The following PPIB variants were observed in gnomAD, a reference collection of about 807,000 sequenced individuals.
PPIB encodes peptidyl-prolyl cis-trans isomerase B.
In PPIB, 15 loss-of-function variants were observed where a neutral mutation model predicts 20.1. The observed-to-expected ratio is 0.75, with a 90% confidence interval of 0.50 to 1.15. PPIB has a LOEUF of 1.15. Among genes scored for constraint, PPIB ranks in the 50% most tolerant of loss-of-function variants. The pLI is 0.00. For synonymous variants in PPIB, 129 were observed against 111.0 expected (o/e 1.16, Z -1.02); for missense variants, 278 against 283.0 (o/e 0.98, Z 0.13).
rs2081570295 is a variant in PPIB, at chr15:64,162,844, C to T, written c.135+8G>A. On this transcript the variant is annotated splice_region_variant and intron_variant, in intron 1 of 4. Transcript: ENST00000300026. ...CCGGCACCGTAAATGCCGCGGACTC[C>T]ACCGGACCTTGACGGTGACTTTGGG... The T allele has an allele frequency of 6.2e-7, 1 of 1,609,640 alleles. No individual in the cohort carries two copies. Among genetic ancestry groups the T allele is most frequent in the Non-Finnish European group, 8.5e-7 (1 of 1,178,400 alleles).
chr15:64,156,563 A>G lies in PPIB; in HGVS notation c.528+162T>C, dbSNP rs933642859. ...GGGCTGGAAGAATTTAGAACCTTGG[A>G]GGCATGGAGGTACAGGGTTTATTCT... is the stretch of plus-strand genomic sequence containing the variant. On this transcript the variant is annotated intron_variant, in intron 4 of 4. Transcript: ENST00000300026. The surrounding 1 kb of genome is among the most constrained non-coding windows in gnomAD (Gnocchi z 6.4). The G allele has an allele frequency of 4.4e-6, 4 of 903,422 alleles. No homozygotes were observed. In the African/African-American group the frequency reaches 6.6e-5, roughly 15 times the overall value. The allele number at this position is 903,422 out of a possible 1,614,324, so 56.0% of individuals were successfully genotyped here.
rs1412404574 is a variant in PPIB at position 64,156,007 on chromosome 15, A to T, written c.*16T>A. On this transcript the variant is annotated 3_prime_UTR_variant, in exon 5 of 5. Coordinates refer to ENST00000300026, the MANE Select transcript of PPIB (RefSeq NM_000942.5). This position sits in a 1 kb window ranked among gnomAD's most constrained non-coding sequence, Gnocchi z 6.4. ...GCCTGCACAGACGGTCACTCAAAGA[A>T]AGATGTCCCTGTGCCCTACTCCTTG... The T allele has an allele frequency of 5.0e-6, 8 of 1,614,094 alleles. No individual in the cohort carries two copies. Among genetic ancestry groups the T allele is most frequent in the African/African-American group, 1.3e-5 (1 of 75,042 alleles).
In PPIB at chr15:64,161,725, C is replaced by G. The variant is rs76209527; in HGVS notation, c.249+316G>C. Among the ~76,000 whole-genome samples, 7,986 of 135,206 alleles carry G rather than the reference C, an allele frequency of 0.059. 639 individuals carry two copies. The highest frequency in any genetic ancestry group is 0.19 in the African/African-American group (7,209 of 37,316). 88.7% of individuals were successfully genotyped at this position (135,206 alleles called of 152,430 possible). On this transcript the variant is annotated intron_variant, in intron 2 of 4. Coordinates refer to ENST00000300026, the MANE Select transcript of PPIB (RefSeq NM_000942.5). This position sits in a 1 kb window ranked among gnomAD's most constrained non-coding sequence, Gnocchi z 4.2. ...AGGCGACAAGAGTGAAACTCCGTCTCAAAAAAAAAAAAAAATTTGCGGGGG... is the reference window on the plus strand; with the variant it reads ...AGGCGACAAGAGTGAAACTCCGTCTGAAAAAAAAAAAAAAATTTGCGGGGG...
At position 64,156,536 on chromosome 15, in the gene PPIB, G is replaced by C. The variant is rs932597682; in HGVS notation, c.528+189C>G. On this transcript the variant is annotated intron_variant, in intron 4 of 4. Coordinates refer to ENST00000300026, the MANE Select transcript of PPIB (RefSeq NM_000942.5). This position sits in a 1 kb window ranked among gnomAD's most constrained non-coding sequence, Gnocchi z 6.4. ...TGCAGCCTTCCTGGCTGGGCTCTGA[G>C]GGGGCTGGAAGAATTTAGAACCTTG... The C allele has an allele frequency of 3.9e-6, 3 of 766,052 alleles. No individual in the cohort carries two copies. The highest frequency in any genetic ancestry group is 2.2e-6 in the Non-Finnish European group (1 of 452,308). The allele number at this position is 766,052 out of a possible 1,614,324, so 47.5% of individuals were successfully genotyped here. A position where few individuals can be genotyped will look rare whatever the true frequency, so the allele number is the denominator to read the frequency against.
At chr15:64,162,824 A>G (rs1297867322) in intron 1 of PPIB, 28 bp downstream of exon 1, 4 of 1,605,828 alleles carry the variant, frequency 2.5e-6, no homozygotes, top group Non-Finnish European at 3.4e-6. Context: ...GAGCTCCGGC[A>G]CCGTAAATGC....
At position 64,160,766 on chromosome 15, in the gene PPIB, C is replaced by T. The variant is rs1268313869; in HGVS notation, c.250-569G>A. On this transcript the variant is annotated intron_variant, in intron 2 of 4. Coordinates refer to ENST00000300026, the MANE Select transcript of PPIB (RefSeq NM_000942.5). This position sits in a 1 kb window ranked among gnomAD's most constrained non-coding sequence, Gnocchi z 4.8. ...GGTTCAAGCGATTCTCCAGCCTCAG[C>T]CTCCTGAGTAGCTGGGATTACAGGC... is the stretch of plus-strand genomic sequence containing the variant. Among the ~76,000 whole-genome samples the T allele has an allele frequency of 1.3e-5, 2 of 152,134 alleles. No homozygotes were observed. Among genetic ancestry groups the T allele is most frequent in the African/African-American group, 4.8e-5 (2 of 41,414 alleles).
In PPIB at chr15:64,163,014, A is replaced by T; in HGVS notation, c.-28T>A. On this transcript the variant is annotated 5_prime_UTR_variant, in exon 1 of 5. Coordinates refer to ENST00000300026, the MANE Select transcript of PPIB (RefSeq NM_000942.5). ...ACAGGCGGAGGCGAAAGCAGCCCGG[A>T]CAGCTGAGGCCGGAAGAGGGTGGGG... The T allele has an allele frequency of 1.2e-6, 2 of 1,601,252 alleles. No individual in the cohort carries two copies. Among genetic ancestry groups the T allele is most frequent in the Non-Finnish European group, 1.7e-6 (2 of 1,173,514 alleles).
rs574094485 is a variant in PPIB, at chr15:64,159,267, C to G, written c.343+837G>C. ...GTTCTAAGGGAGCAGCAGGCTGTAC[C>G]TGAGCTCAGTGAGACTCATGCAGGC... On this transcript the variant is annotated intron_variant, in intron 3 of 4. Transcript: ENST00000300026. The surrounding 1 kb of genome is among the most constrained non-coding windows in gnomAD (Gnocchi z 5.1). 2 of 152,430 alleles carry G rather than the reference C, an allele frequency of 1.3e-5. No homozygotes were observed. Among genetic ancestry groups the G allele is most frequent in the African/African-American group, 2.4e-5 (1 of 41,448 alleles). 9.4% of individuals were successfully genotyped at this position (152,430 alleles called of 1,614,324 possible).
At position 64,156,614 on chromosome 15, in the gene PPIB, T is replaced by C; in HGVS notation, c.528+111A>G. 3.1e-6 allele frequency: 4 copies of C among 1,301,636 alleles called. No individual in the cohort carries two copies. In the South Asian group the frequency reaches 4.8e-5, roughly 15 times the overall value. 80.6% of individuals were successfully genotyped at this position (1,301,636 alleles called of 1,614,324 possible). On this transcript the variant is annotated intron_variant, in intron 4 of 4. Coordinates refer to ENST00000300026, the MANE Select transcript of PPIB (RefSeq NM_000942.5). This position sits in a 1 kb window ranked among gnomAD's most constrained non-coding sequence, Gnocchi z 6.4. ...GGACAGGAGCACTGGGCTGCATCTGTGGGTTGGGTCCTTTTGGGAAAGGGA... is the reference window on the plus strand; with the variant it reads ...GGACAGGAGCACTGGGCTGCATCTGCGGGTTGGGTCCTTTTGGGAAAGGGA...
intron 1 of PPIB, 152 bp from the exon 2 acceptor site, chr15:64,162,306 C>A: frequency 1.4e-6 from 1 of 715,530 alleles, no homozygotes; most frequent in East Asian, 2.6e-5. Flanking sequence ...CGGTAAAAAT[C>A]CTATGAGAAT....
rs372252231 is a variant in PPIB at position 64,156,938 on chromosome 15, G to A, written c.344-29C>T. 2.3e-4 allele frequency: 368 copies of A among 1,609,874 alleles called. No homozygotes were observed. The highest frequency in any genetic ancestry group is 2.1e-3 in the Middle Eastern group (12 of 5,660). ...GGAAAAAAGACAGAGCAGGTCAGGGGCGCTGGATTGCGCCAAACCAAGCAG... is the reference window on the plus strand; with the variant it reads ...GGAAAAAAGACAGAGCAGGTCAGGGACGCTGGATTGCGCCAAACCAAGCAG... On this transcript the variant is annotated intron_variant, in intron 3 of 4. Transcript: ENST00000300026. The surrounding 1 kb of genome is among the most constrained non-coding windows in gnomAD (Gnocchi z 6.4).
rs2081560912 is a variant in PPIB at position 64,161,040 on chromosome 15, A to C, written c.250-843T>G. Among the ~76,000 whole-genome samples, 1 of 152,058 alleles carries C rather than the reference A, an allele frequency of 6.6e-6. No homozygotes were observed. Among genetic ancestry groups the C allele is most frequent in the Non-Finnish European group, 1.5e-5 (1 of 68,014 alleles). The stretch of plus-strand genomic sequence containing the variant: ...CAGTGGGGCAATCTCGGCTCACTGC[A>C]ACCTCCACCTCCTGGGTTCAACAAA... On this transcript the variant is annotated intron_variant, in intron 2 of 4. Coordinates refer to ENST00000300026, the MANE Select transcript of PPIB (RefSeq NM_000942.5). This position sits in a 1 kb window ranked among gnomAD's most constrained non-coding sequence, Gnocchi z 4.2.
In PPIB at chr15:64,160,410, A is replaced by T. The variant is rs1318255271; in HGVS notation, c.250-213T>A. ...GATGTGGAAATCCCTCTGCCTCCAT[A>T]CAATTCCCAAGCTTTATACAATTCT... On this transcript the variant is annotated intron_variant, in intron 2 of 4. Coordinates refer to ENST00000300026, the MANE Select transcript of PPIB (RefSeq NM_000942.5). The surrounding 1 kb of genome is among the most constrained non-coding windows in gnomAD (Gnocchi z 4.8). 1.3e-5 allele frequency among the ~76,000 whole-genome samples: 2 copies of T among 152,212 alleles called. No individual in the cohort carries two copies. Among genetic ancestry groups the T allele is most frequent in the Non-Finnish European group, 2.9e-5 (2 of 68,028 alleles).
Position 64,160,287 on chromosome 15 carries a change from T to TC in PPIB, c.250-91dup. The TC allele has an allele frequency of 9.5e-7, 1 of 1,053,554 alleles. No homozygotes were observed. The highest frequency in any genetic ancestry group is 1.5e-6 in the Non-Finnish European group (1 of 679,496). 65.3% of individuals were successfully genotyped at this position (1,053,554 alleles called of 1,614,324 possible). A position where few individuals can be genotyped will look rare whatever the true frequency, so the allele number is the denominator to read the frequency against. ...GGCCTCACAGGAACAAGTCCACAACTCCTGCTCGCAGAAGAGACACCACTG... is the reference window on the plus strand; with the variant it reads ...GGCCTCACAGGAACAAGTCCACAACTCCCTGCTCGCAGAAGAGACACCACTG... On this transcript the variant is annotated intron_variant, in intron 2 of 4. Transcript: ENST00000300026. This position sits in a 1 kb window ranked among gnomAD's most constrained non-coding sequence, Gnocchi z 4.8.
chr15:64,162,823 C>T (rs1412915430), intron 1 of PPIB, 29 bp downstream of exon 1: 3 of 1,605,146 alleles, frequency 1.9e-6, no homozygotes, highest in Non-Finnish European at 2.6e-6. Context: ...CGAGCTCCGG[C>T]ACCGTAAATG....
rs377032173 is a variant in PPIB at position 64,156,169 on chromosome 15, G to A, written c.529-24C>T. On this transcript the variant is annotated intron_variant, in intron 4 of 4. Transcript: ENST00000300026. This position sits in a 1 kb window ranked among gnomAD's most constrained non-coding sequence, Gnocchi z 6.4. ...TCCTGGAAAAGAAAGGTGGAAGCAG[G>A]AGGGCATGGTGGATCAGGAGGTCCA... 2 of 1,613,520 alleles carry A rather than the reference G, an allele frequency of 1.2e-6. No individual in the cohort carries two copies. Among genetic ancestry groups the A allele is most frequent in the African/African-American group, 2.7e-5 (2 of 74,920 alleles).
In PPIB at chr15:64,158,390, AG is replaced by A. The variant is rs1247920407; in HGVS notation, c.344-1482del. 3.3e-5 allele frequency among the ~76,000 whole-genome samples: 5 copies of A among 152,238 alleles called. No homozygotes were observed. The highest frequency in any genetic ancestry group is 7.3e-5 in the Non-Finnish European group (5 of 68,044). On this transcript the variant is annotated intron_variant, in intron 3 of 4. Coordinates refer to ENST00000300026, the MANE Select transcript of PPIB (RefSeq NM_000942.5). This position sits in a 1 kb window ranked among gnomAD's most constrained non-coding sequence, Gnocchi z 4.7. The stretch of plus-strand genomic sequence containing the variant: ...AAGAAACTGAGGCACAGAGAATAAA[AG>A]GAGCCCCAGCAGAGCAACAGCGGGG...
rs2140183936 is a variant in PPIB at position 64,161,490 on chromosome 15, C to A, written c.249+551G>T. On this transcript the variant is annotated intron_variant, in intron 2 of 4. Coordinates refer to ENST00000300026, the MANE Select transcript of PPIB (RefSeq NM_000942.5). This position sits in a 1 kb window ranked among gnomAD's most constrained non-coding sequence, Gnocchi z 4.2. ...CCTCTAATCCCAGCACTTTGGGAGG[C>A]CAAGGCAGGCGGATCACCAGAGGTC... 6.6e-6 allele frequency among the ~76,000 whole-genome samples: 1 copy of A among 151,912 alleles called. No individual in the cohort carries two copies. The highest frequency in any genetic ancestry group is 1.5e-5 in the Non-Finnish European group (1 of 67,948).
rs978792726 is a variant in PPIB at position 64,158,875 on chromosome 15, C to G, written c.343+1229G>C. ...ATCCCTCTGCTTGTCAGCACTTCAA[C>G]AATGGCTGACTTACTAAGCACTCAC... On this transcript the variant is annotated intron_variant, in intron 3 of 4. Coordinates refer to ENST00000300026, the MANE Select transcript of PPIB (RefSeq NM_000942.5). The surrounding 1 kb of genome is among the most constrained non-coding windows in gnomAD (Gnocchi z 4.7). Among the ~76,000 whole-genome samples the G allele has an allele frequency of 6.6e-6, 1 of 152,236 alleles. No individual in the cohort carries two copies. The highest frequency in any genetic ancestry group is 1.5e-5 in the Non-Finnish European group (1 of 68,040).
Sources: allele counts gnomAD v4.1 joint callset (sites outside exome capture counted in the v4.1 genomes callset), GRCh38; gene constraint gnomAD v4.1.1; non-coding constraint Gnocchi (gnomAD v3.1); transcripts MANE v1.5; gene names NCBI Gene and HGNC (gene_info 2026-07-23, HGNC 2026-07-21).